The following CIB4 variants were observed in gnomAD, a reference collection of about 807,000 sequenced individuals.
The protein encoded by CIB4 is calcium and integrin-binding family member 4.
Under a neutral mutation model 25.8 loss-of-function variants are expected in CIB4, and 25 were observed. That is an observed-to-expected ratio of 0.97 (90% CI 0.71 to 1.35). CIB4 has a LOEUF of 1.35. Ranked by LOEUF, CIB4 falls within the 40% of genes most tolerant of loss-of-function variation. The probability of loss-of-function intolerance (pLI) is 0.00; values close to 1 mark genes in which losing one functional copy is unlikely to be tolerated. For synonymous variants in CIB4, 75 were observed against 81.4 expected (o/e 0.92, Z 0.42); for missense variants, 235 against 228.2 (o/e 1.03, Z -0.19).
chr2:26,632,856 G>T (rs966633902), intron 2 of CIB4, among the ~76,000 whole-genome samples: 12 of 152,022 alleles, frequency 7.9e-5, no homozygotes, highest in African/African-American at 2.7e-4. Context: ...AGTTAGAATT[G>T]CTGGCTTGAG....
chr2:26,626,501 T>C (rs980376773), intron 3 of CIB4, among the ~76,000 whole-genome samples: 1 of 152,156 alleles, frequency 6.6e-6, no homozygotes, highest in Non-Finnish European at 1.5e-5. Flanking sequence ...GTGGCAGTCA[T>C]CCCTTGAGGT....
At chr2:26,617,678 T>G (rs1227549550) in intron 3 of CIB4, among the ~76,000 whole-genome samples, 1 of 152,120 alleles carries the variant, frequency 6.6e-6, no homozygotes, top group East Asian at 1.9e-4. Context: ...GGCAGTGGCC[T>G]AAATACAGGA....
At chr2:26,596,277 C>T (rs1668681593) in intron 3 of CIB4, among the ~76,000 whole-genome samples, 1 of 152,110 alleles carries the variant, frequency 6.6e-6, no homozygotes, top group Admixed American at 6.6e-5. Flanking sequence ...AGGGGGGTGG[C>T]TGCTCCAGGA....
chr2:26,591,621 T>A (rs1668587877), intron 4 of CIB4, among the ~76,000 whole-genome samples: 2 of 152,216 alleles, frequency 1.3e-5, no homozygotes. Context: ...TTTCGTATAA[T>A]CCCCAACCCC....
intron 3 of CIB4, among the ~76,000 whole-genome samples, chr2:26,603,028 C>T (rs573932296): frequency 8.1e-5 from 10 of 124,184 alleles, no homozygotes; most frequent in Non-Finnish European, 1.5e-4. Context: ...GTGGCATGGG[C>T]GATAGAGCAA....
rs1163338713 is a variant in CIB4 at position 26,583,827 on chromosome 2, C to T, written c.400G>A (p.Asp134Asn). 1 of 1,613,116 alleles carries T rather than the reference C, an allele frequency of 6.2e-7. No individual in the cohort carries two copies. The highest frequency in any genetic ancestry group is 1.1e-5 in the South Asian group (1 of 91,022). The stretch of plus-strand genomic sequence containing the variant: ...TCCATCAGGAGGTCCTCAGACATGT[C>T]ATCACTGTTCAGCAGTCGCAGGATG... ...RIILRLLNSD[D>N]MSEDLLMDLT... Residue 134 changes from aspartate (D) to asparagine (N), a missense_variant, in exon 5 of 7, where the codon GAC becomes AAC. Coordinates refer to ENST00000288861, the MANE Select transcript of CIB4 (RefSeq NM_001029881.3).
At chr2:26,589,060 CTCTTCCTCTTCCTCTTCTTCTTCTTCT>C (rs1668522369) in intron 4 of CIB4, among the ~76,000 whole-genome samples, 2 of 36,488 alleles carry the variant, frequency 5.5e-5, no homozygotes, top group South Asian at 1.3e-3. Context: ...CTTCTTCTTC[CTCTTCCTCTTCCTCTTCTTCTTCTTCT>C]TCTTCTTCTT....
chr2:26,638,229 C>A (rs1669569907), intron 2 of CIB4, among the ~76,000 whole-genome samples: 1 of 152,124 alleles, frequency 6.6e-6, no homozygotes. Flanking sequence ...GGACCCACCT[C>A]CCCAACACAA....
intron 3 of CIB4, among the ~76,000 whole-genome samples, chr2:26,612,168 G>T (rs1669006779): frequency 6.6e-6 from 1 of 152,210 alleles, no homozygotes. Context: ...CAGGGCAAGG[G>T]CTGAACCCAG....
chr2:26,604,246 G>T (rs1385803198), intron 3 of CIB4, among the ~76,000 whole-genome samples: 2 of 152,050 alleles, frequency 1.3e-5, no homozygotes, highest in Non-Finnish European at 2.9e-5. Context: ...TGGGCATGGT[G>T]GTGCACGCCT....
At chr2:26,606,905 G>T (rs772711742) in intron 3 of CIB4, among the ~76,000 whole-genome samples, 4 of 152,154 alleles carry the variant, frequency 2.6e-5, no homozygotes, top group African/African-American at 9.7e-5. Context: ...AGCTGGAGGC[G>T]GATCGCTAAT....
chr2:26,631,083 T>C (rs1669411102), intron 2 of CIB4, among the ~76,000 whole-genome samples: 1 of 152,148 alleles, frequency 6.6e-6, no homozygotes, highest in African/African-American at 2.4e-5. Context: ...AAGGAGTCTG[T>C]ATGCAGGAGT....
At chr2:26,631,000 C>G (rs1238215397) in intron 2 of CIB4, among the ~76,000 whole-genome samples, 1 of 152,138 alleles carries the variant, frequency 6.6e-6, no homozygotes, top group Non-Finnish European at 1.5e-5. Flanking sequence ...CCCCTCCCTC[C>G]TTTAGTCCTT....
chr2:26,604,073 A>G (rs1668845413), intron 3 of CIB4, among the ~76,000 whole-genome samples: 1 of 151,826 alleles, frequency 6.6e-6, no homozygotes, highest in South Asian at 2.1e-4. Context: ...AACTGCTAAA[A>G]AGCAGTAATA....
At chr2:26,589,117 T>TTCC (rs1668533151) in intron 4 of CIB4, among the ~76,000 whole-genome samples, 1 of 120,808 alleles carries the variant, frequency 8.3e-6, no homozygotes, top group African/African-American at 4.2e-5. Flanking sequence ...CCTCTTCTTC[T>TTCC]TCTTCTTCTT....
chr2:26,608,274 G>C (rs1384545522), intron 3 of CIB4, among the ~76,000 whole-genome samples: 1 of 151,174 alleles, frequency 6.6e-6, no homozygotes, highest in South Asian at 2.1e-4. Context: ...TGGGTCTGGT[G>C]AGAAGGGGGT....
At chr2:26,620,701 A>G (rs6736895) in intron 3 of CIB4, among the ~76,000 whole-genome samples, 7,879 of 152,230 alleles carry the variant, frequency 0.052, 609 homozygotes, top group East Asian at 0.34. Flanking sequence ...CAGCTTTAAA[A>G]CAGCTTTTTA....
At chr2:26,625,000 CACA>C (rs1428690386) in intron 3 of CIB4, among the ~76,000 whole-genome samples, 1 of 152,090 alleles carries the variant, frequency 6.6e-6, no homozygotes, top group African/African-American at 2.4e-5. Context: ...CGCATTGCAT[CACA>C]ACATCTCATG....
intron 3 of CIB4, among the ~76,000 whole-genome samples, chr2:26,617,055 A>T (rs1322395195): frequency 6.6e-6 from 1 of 151,908 alleles, no homozygotes; most frequent in African/African-American, 2.4e-5. Context: ...TACCCATTTT[A>T]CAGGTGAGGA....
Sources: allele counts gnomAD v4.1 joint callset (sites outside exome capture counted in the v4.1 genomes callset), GRCh38; gene constraint gnomAD v4.1.1; transcripts MANE v1.5; gene names NCBI Gene and HGNC (gene_info 2026-07-23, HGNC 2026-07-21).